The following RNFT2 variants were observed in gnomAD, a reference collection of about 807,000 sequenced individuals.
The protein encoded by RNFT2 is E3 ubiquitin-protein ligase RNFT2.
RNFT2 carries 36 observed loss-of-function variants against 53.0 expected under a neutral mutation model. That is an observed-to-expected ratio of 0.68 (90% confidence interval 0.52 to 0.90). RNFT2 has a LOEUF of 0.90. Ranked by LOEUF, RNFT2 falls within the 40% of genes least tolerant of loss-of-function variation. The pLI, the probability that RNFT2 is intolerant of heterozygous loss-of-function variation, is 0.00. For synonymous variants in RNFT2, 260 were observed against 253.2 expected, an observed-to-expected ratio of 1.03 and a Z score of -0.26; for missense variants, 514 against 585.6, an observed-to-expected ratio of 0.88 and a Z score of 1.26.
chr12:116,771,944 C>T (rs1165054803), intron 6 of RNFT2, among the ~76,000 whole-genome samples: 1 of 152,214 alleles, frequency 6.6e-6, no homozygotes, highest in African/African-American at 2.4e-5. Context: ...ATGAACATCT[C>T]GAACGGTCAA....
rs1227742096 is a variant in RNFT2, at chr12:116,833,852, C to T, written c.943C>T (p.Gln315Ter). ...GCTGTTCCGATCCCTTGTCCCCATC[C>T]AGCTGTGGTACAAATACATCATGGG... is the stretch of plus-strand genomic sequence containing the variant. ...SQLFRSLVPI[Q>*]LWYKYIMGDD... Residue 315 changes from glutamine to a stop codon, truncating the protein, a stop_gained, in exon 8 of 11, where the codon CAG becomes TAG. Coordinates refer to ENST00000257575, the MANE Select transcript of RNFT2 (RefSeq NM_001382266.1). LOFTEE classifies it high-confidence loss of function. The T allele has an allele frequency of 6.2e-7, 1 of 1,613,468 alleles. No homozygotes were observed. Among genetic ancestry groups the T allele is most frequent in the Non-Finnish European group, 8.5e-7 (1 of 1,179,666 alleles).
chr12:116,750,879 TA>T (rs1566069500), intron 4 of RNFT2, among the ~76,000 whole-genome samples: 3 of 4,044 alleles, frequency 7.4e-4, no homozygotes, highest in Admixed American at 4.5e-3. Flanking sequence ...ATAATATATA[TA>T]TTATATATAT....
At chr12:116,798,455 C>T (rs961492606) in intron 7 of RNFT2, among the ~76,000 whole-genome samples, 1 of 152,174 alleles carries the variant, frequency 6.6e-6, no homozygotes, top group African/African-American at 2.4e-5. Flanking sequence ...GTTTGAGAAA[C>T]CCTCTGCCAT....
intron 7 of RNFT2, among the ~76,000 whole-genome samples, chr12:116,832,316 C>T (rs1876714758): frequency 6.6e-6 from 1 of 151,982 alleles, no homozygotes; most frequent in African/African-American, 2.4e-5. Flanking sequence ...AATTATACAA[C>T]AAATATTCTT....
intron 6 of RNFT2, among the ~76,000 whole-genome samples, chr12:116,775,763 CT>C (rs1195615379): frequency 6.6e-6 from 1 of 152,252 alleles, no homozygotes; most frequent in Non-Finnish European, 1.5e-5. Context: ...CATAATTAGG[CT>C]GGGCACAGTG....
At chr12:116,844,732 T>G (rs1057369398) in intron 10 of RNFT2, among the ~76,000 whole-genome samples, 1 of 152,170 alleles carries the variant, frequency 6.6e-6, no homozygotes, top group Non-Finnish European at 1.5e-5. Context: ...GTGAATGTGT[T>G]GAATGAATGA....
intron 10 of RNFT2, among the ~76,000 whole-genome samples, chr12:116,837,001 C>G (rs1180688829): frequency 6.6e-6 from 1 of 151,982 alleles, no homozygotes; most frequent in African/African-American, 2.4e-5. Context: ...GTAGATCATC[C>G]ATGGAAAGAA....
chr12:116,810,718 G>A (rs1875330943), intron 7 of RNFT2, among the ~76,000 whole-genome samples: 1 of 152,206 alleles, frequency 6.6e-6, no homozygotes, highest in East Asian at 1.9e-4. Flanking sequence ...AAGCAAGGCA[G>A]CCAGGCTCCC....
intron 7 of RNFT2, among the ~76,000 whole-genome samples, chr12:116,811,041 A>G (rs187550090): frequency 5.3e-5 from 8 of 152,322 alleles, no homozygotes; most frequent in Non-Finnish European, 8.8e-5. Flanking sequence ...CATTTCCATC[A>G]GTATCACTTC....
At chr12:116,835,839 A>G (rs1876931333) in intron 8 of RNFT2, 121 bp from the exon 9 acceptor site, 3 of 915,680 alleles carry the variant, frequency 3.3e-6, no homozygotes, top group Admixed American at 4.1e-5. Context: ...TGAGAAGAGG[A>G]GCCCTAAAAA....
At chr12:116,831,086 G>A (rs1029354620) in intron 7 of RNFT2, among the ~76,000 whole-genome samples, 4 of 151,752 alleles carry the variant, frequency 2.6e-5, no homozygotes, top group Non-Finnish European at 5.9e-5. Context: ...GGGGCCAGGT[G>A]CAATGGCTCA....
chr12:116,816,947 A>C (rs1228693544), intron 7 of RNFT2, among the ~76,000 whole-genome samples: 1 of 152,174 alleles, frequency 6.6e-6, no homozygotes, highest in Non-Finnish European at 1.5e-5. Context: ...TTTGCCCATA[A>C]GAAAAGTTTT....
intron 10 of RNFT2, among the ~76,000 whole-genome samples, chr12:116,849,061 C>T (rs374094278): frequency 6.6e-5 from 10 of 152,108 alleles, no homozygotes; most frequent in East Asian, 1.9e-4. Context: ...TCAGGTGATC[C>T]GCCCATCTCG....
At position 116,791,060 on chromosome 12, in the gene RNFT2, T is replaced by C. The variant is rs543629681; in HGVS notation, c.882+11712T>C. 3.9e-5 allele frequency among the ~76,000 whole-genome samples: 6 copies of C among 152,368 alleles called. No individual in the cohort carries two copies. In the South Asian group the frequency reaches 1.0e-3, roughly 26 times the overall value. The stretch of plus-strand genomic sequence containing the variant: ...TTCACAGTGTTGTACAACCACCACC[T>C]CTGTCTAGTTCCAAGACATTCTCAT... On this transcript the variant is annotated intron_variant, in intron 7 of 10. Coordinates refer to ENST00000257575, the MANE Select transcript of RNFT2 (RefSeq NM_001382266.1).
intron 10 of RNFT2, among the ~76,000 whole-genome samples, chr12:116,843,790 G>A (rs78907568): frequency 6.5e-4 from 99 of 152,248 alleles, no homozygotes; most frequent in African/African-American, 2.3e-3. Context: ...GTGAGCTCCC[G>A]GAGGGCAGGG....
rs960497651 is a variant in RNFT2, at chr12:116,852,880, C to T, written c.*3432C>T. The T allele has an allele frequency of 3.1e-6, 2 of 644,650 alleles. No individual in the cohort carries two copies. Among genetic ancestry groups the T allele is most frequent in the African/African-American group, 3.7e-5 (2 of 54,614 alleles). The allele number at this position is 644,650 out of a possible 1,614,324, so 39.9% of individuals were successfully genotyped here. Reference sequence around the variant, plus strand: ...ACAATGTAGGTTACTAGTGAATACCCCAATGGTTTCTCCAATTATGCCCAT... The same window carrying T: ...ACAATGTAGGTTACTAGTGAATACCTCAATGGTTTCTCCAATTATGCCCAT... On this transcript the variant is annotated 3_prime_UTR_variant, in exon 11 of 11. Coordinates refer to ENST00000257575, the MANE Select transcript of RNFT2 (RefSeq NM_001382266.1).
At chr12:116,778,350 T>TG (rs1873531451) in intron 6 of RNFT2, among the ~76,000 whole-genome samples, 1 of 152,228 alleles carries the variant, frequency 6.6e-6, no homozygotes, top group African/African-American at 2.4e-5. Context: ...AGTGAGTTCT[T>TG]GCTCTGGTAA....
At chr12:116,819,582 C>A (rs944092701) in intron 7 of RNFT2, among the ~76,000 whole-genome samples, 3 of 152,116 alleles carry the variant, frequency 2.0e-5, no homozygotes, top group African/African-American at 7.2e-5. Flanking sequence ...CAGCCCGCGC[C>A]GCCAGGAGGG....
Position 116,740,454 on chromosome 12 carries a change from C to A in RNFT2, c.-44C>A. On this transcript the variant is annotated 5_prime_UTR_variant, in exon 2 of 11. Coordinates refer to ENST00000257575, the MANE Select transcript of RNFT2 (RefSeq NM_001382266.1). ...TTGGTCACATCCCCCTGAGGATTCC[C>A]GAATGCCTACCTCCAGTGTCGTCAA... 6.4e-7 allele frequency: 1 copy of A among 1,558,142 alleles called. No individual in the cohort carries two copies. The highest frequency in any genetic ancestry group is 2.4e-5 in the East Asian group (1 of 42,050).
Sources: gnomAD v4.1 joint callset for allele counts (sites outside exome capture counted in the v4.1 genomes callset) on GRCh38, gnomAD v4.1.1 for gene constraint, MANE v1.5 for transcripts, NCBI Gene and HGNC (gene_info 2026-07-23, HGNC 2026-07-21) for gene names.